Variants in CBFA2T2 observed in about 807,000 individuals in gnomAD.
CBFA2T2 encodes protein CBFA2T2.
Under a neutral mutation model 62.2 loss-of-function variants are expected in CBFA2T2, and 11 were observed. That is an observed-to-expected ratio of 0.18 (90% CI 0.11 to 0.29). The LOEUF is 0.29. Among genes scored for constraint, CBFA2T2 ranks in the 10% least tolerant of loss-of-function variants. The pLI, the probability that CBFA2T2 is intolerant of heterozygous loss-of-function variation, is 1.00. For synonymous variants in CBFA2T2, 295 were observed against 287.5 expected (o/e 1.03, Z -0.27); for missense variants, 592 against 774.1 (o/e 0.76, Z 2.79).
chr20:33,537,740 G>A (rs543167350), intron 1 of CBFA2T2, among the ~76,000 whole-genome samples: 6 of 152,260 alleles, frequency 3.9e-5, no homozygotes, highest in African/African-American at 9.6e-5. Context: ...AGTACCAGTT[G>A]TTGAAAGGAC....
intron 1 of CBFA2T2, among the ~76,000 whole-genome samples, chr20:33,491,824 C>T (rs2011148752): frequency 6.6e-6 from 1 of 151,980 alleles, no homozygotes; most frequent in Non-Finnish European, 1.5e-5. Flanking sequence ...GTCTCAGCCT[C>T]CGGAGTAGCT....
intron 1 of CBFA2T2, among the ~76,000 whole-genome samples, chr20:33,587,646 G>A (rs568964656): frequency 1.3e-5 from 2 of 152,004 alleles, no homozygotes; most frequent in South Asian, 4.1e-4. Context: ...TGATCCGCCT[G>A]CCTCAGCCTC....
Position 33,619,639 on chromosome 20 carries a change from T to C in CBFA2T2, c.510+33T>C, listed in dbSNP as rs1266983758. 3 of 1,421,598 alleles carry C rather than the reference T, an allele frequency of 2.1e-6. No individual in the cohort carries two copies. In the East Asian group the frequency reaches 7.0e-5, roughly 33 times the overall value. The allele number at this position is 1,421,598 out of a possible 1,614,324, so 88.1% of individuals were successfully genotyped here. A position where few individuals can be genotyped will look rare whatever the true frequency, so the allele number is the denominator to read the frequency against. ...GATAATTACTGAATATAATTTATCT[T>C]GAATATTTCCTCAAATTCTGCTAAT... On this transcript the variant is annotated intron_variant, in intron 4 of 10. Coordinates refer to ENST00000342704, the MANE Select transcript of CBFA2T2 (RefSeq NM_001032999.3).
chr20:33,621,287 C>CTTTTTTTTTTTTTTTT lies in CBFA2T2; in HGVS notation c.510+1692_510+1707dup, dbSNP rs199805350. Among the ~76,000 whole-genome samples the CTTTTTTTTTTTTTTTT allele has an allele frequency of 1.2e-3, 104 of 85,298 alleles. 9 individuals carry two copies. The highest frequency in any genetic ancestry group is 1.5e-3 in the Non-Finnish European group (69 of 45,982). The allele number at this position is 85,298 out of a possible 152,430, so 56.0% of individuals were successfully genotyped here. On this transcript the variant is annotated intron_variant, in intron 4 of 10. Coordinates refer to ENST00000342704, the MANE Select transcript of CBFA2T2 (RefSeq NM_001032999.3). ...TCTATAATACCTTTAATTTTACTGCCTTTTTTTTTTTTTTTTTTTTTTTTT... is the reference window on the plus strand; with the variant it reads ...TCTATAATACCTTTAATTTTACTGCCTTTTTTTTTTTTTTTTTTTTTTTTTTTTTTTTTTTTTTTTT...
chr20:33,509,461 A>G (rs2011469834), intron 1 of CBFA2T2, among the ~76,000 whole-genome samples: 3 of 152,178 alleles, frequency 2.0e-5, no homozygotes, highest in Non-Finnish European at 4.4e-5. Flanking sequence ...CTTATCCTAA[A>G]TAATGATGTT....
chr20:33,502,297 C>T (rs1055233827), intron 1 of CBFA2T2, among the ~76,000 whole-genome samples: 2 of 152,212 alleles, frequency 1.3e-5, no homozygotes, highest in Admixed American at 6.5e-5. Context: ...AGGGAGATCC[C>T]CTTCAAGCTG....
At chr20:33,578,170 C>T (rs2146910384) in intron 1 of CBFA2T2, among the ~76,000 whole-genome samples, 1 of 152,128 alleles carries the variant, frequency 6.6e-6, no homozygotes, top group Admixed American at 6.6e-5. Context: ...TTTATTTTTT[C>T]CTTTACAGCT....
chr20:33,585,850 G>A (rs965199889), intron 1 of CBFA2T2, among the ~76,000 whole-genome samples: 1 of 152,184 alleles, frequency 6.6e-6, no homozygotes, highest in African/African-American at 2.4e-5. Context: ...ATTTTGTTAT[G>A]CTTTGGCAGA....
intron 1 of CBFA2T2, among the ~76,000 whole-genome samples, chr20:33,495,591 C>G (rs1186680180): frequency 1.3e-5 from 2 of 151,532 alleles, no homozygotes; most frequent in African/African-American, 4.9e-5. Context: ...ACTTGGGAGG[C>G]TGAGGCAGGA....
intron 1 of CBFA2T2, among the ~76,000 whole-genome samples, chr20:33,505,846 T>C (rs1418974871): frequency 6.6e-6 from 1 of 151,612 alleles, no homozygotes; most frequent in East Asian, 1.9e-4. Flanking sequence ...ATCCTAACAC[T>C]TTGGGAGGCT....
At chr20:33,522,156 A>G (rs1164226008) in intron 1 of CBFA2T2, among the ~76,000 whole-genome samples, 1 of 152,190 alleles carries the variant, frequency 6.6e-6, no homozygotes, top group Non-Finnish European at 1.5e-5. Flanking sequence ...AGACTAGAGT[A>G]CATTCATGAC....
intron 1 of CBFA2T2, among the ~76,000 whole-genome samples, chr20:33,534,751 C>T (rs1457018312): frequency 5.3e-4 from 49 of 92,920 alleles, no homozygotes; most frequent in Admixed American, 1.4e-3. Flanking sequence ...ATCTTTTTAG[C>T]TTTTTTTTTT....
At chr20:33,638,933 A>G (rs1793736549) in intron 9 of CBFA2T2, 1 of 152,142 alleles carries the variant, frequency 6.6e-6, no homozygotes, top group African/African-American at 2.4e-5. Context: ...GCCCAAATCT[A>G]TGTCTTTAGC....
At chr20:33,532,391 G>A (rs1000458098) in intron 1 of CBFA2T2, among the ~76,000 whole-genome samples, 1 of 152,188 alleles carries the variant, frequency 6.6e-6, no homozygotes, top group South Asian at 2.1e-4. Flanking sequence ...TGGGCAAGGG[G>A]TAGGGAATGA....
chr20:33,523,503 A>C (rs1476632596), intron 1 of CBFA2T2, among the ~76,000 whole-genome samples: 1 of 152,146 alleles, frequency 6.6e-6, no homozygotes, highest in Non-Finnish European at 1.5e-5. Context: ...ATTTAAAAAA[A>C]TGGGGTTCTT....
chr20:33,607,162 T>G (rs1269973707), intron 2 of CBFA2T2, 63 bp downstream of exon 2: 1 of 1,506,466 alleles, frequency 6.6e-7, no homozygotes, highest in Admixed American at 1.7e-5. Context: ...AGTGACTGAC[T>G]TGTATGAAGC....
At chr20:33,624,726 T>C (rs372320351) in intron 5 of CBFA2T2, 38 bp from the exon 6 acceptor site, 2 of 1,607,156 alleles carry the variant, frequency 1.2e-6, no homozygotes, top group South Asian at 1.1e-5. Flanking sequence ...TGAACACTTG[T>C]TGACAGGATC....
chr20:33,608,789 C>T (rs987845634), intron 2 of CBFA2T2, among the ~76,000 whole-genome samples: 6 of 152,026 alleles, frequency 3.9e-5, no homozygotes, highest in Non-Finnish European at 5.9e-5. Flanking sequence ...AAAGAGACTA[C>T]GAAAAAGCCT....
chr20:33,571,086 T>C lies in CBFA2T2; in HGVS notation c.35-35870T>C, dbSNP rs989601125. ...TTCTAGAAATGTTAACTTCCATCTT[T>C]ATCTTGGAGAATGAATTGAAGTGTT... On this transcript the variant is annotated intron_variant, in intron 1 of 10. Transcript: ENST00000342704. Among the ~76,000 whole-genome samples the C allele has an allele frequency of 2.6e-5, 4 of 152,352 alleles. No individual in the cohort carries two copies. In the East Asian group the frequency reaches 7.7e-4, roughly 29 times the overall value.
Sources: allele counts gnomAD v4.1 joint callset (sites outside exome capture counted in the v4.1 genomes callset), GRCh38; gene constraint gnomAD v4.1.1; transcripts MANE v1.5; gene names NCBI Gene and HGNC (gene_info 2026-07-23, HGNC 2026-07-21).